PLEKHH2: variants seen among roughly 807,000 people sequenced by gnomAD.
PLEKHH2 encodes the protein pleckstrin homology, MyTH4 and FERM domain containing H2.
Under a neutral mutation model 187.9 loss-of-function variants are expected in PLEKHH2, and 129 were observed. The observed-to-expected ratio is 0.69, with a 90% CI of 0.59 to 0.79. The LOEUF is 0.79. Among genes scored for constraint, PLEKHH2 ranks in the 30% least tolerant of loss-of-function variants. The pLI is 0.00. For synonymous variants in PLEKHH2, 686 were observed against 605.6 expected (o/e 1.13, Z -1.95); for missense variants, 2,076 against 1,751.2 (o/e 1.19, Z -3.31).
intron 17 of PLEKHH2, among the ~76,000 whole-genome samples, chr2:43,728,699 C>T (rs1227982476): frequency 6.6e-6 from 1 of 150,996 alleles, no homozygotes; most frequent in Non-Finnish European, 1.5e-5. Context: ...ACAGCTGGGA[C>T]TACAGGCATG....
intron 21 of PLEKHH2, among the ~76,000 whole-genome samples, chr2:43,742,210 C>T (rs1326703144): frequency 6.6e-6 from 1 of 152,044 alleles, no homozygotes; most frequent in East Asian, 1.9e-4. Context: ...CCATGTTGAC[C>T]AGGTTGGTCT....
At chr2:43,715,027 C>A (rs867240848) in intron 15 of PLEKHH2, among the ~76,000 whole-genome samples, 1 of 152,106 alleles carries the variant, frequency 6.6e-6, no homozygotes. Context: ...CCTGTAATCC[C>A]AGCACTTAGG....
At chr2:43,744,110 A>G in intron 23 of PLEKHH2, 121 bp downstream of exon 23, 1 of 1,440,414 alleles carries the variant, frequency 6.9e-7, no homozygotes, top group Non-Finnish European at 9.1e-7. Flanking sequence ...TAACCAATCT[A>G]ATCTCCACGA....
At chr2:43,696,205 G>C (rs530501430) in intron 6 of PLEKHH2, among the ~76,000 whole-genome samples, 117 of 152,276 alleles carry the variant, frequency 7.7e-4, no homozygotes, top group South Asian at 2.1e-3. Context: ...AGGCGCAGTG[G>C]CTCACTCCTG....
intron 1 of PLEKHH2, among the ~76,000 whole-genome samples, chr2:43,637,736 G>C (rs1040189806): frequency 5.3e-5 from 8 of 152,296 alleles, no homozygotes; most frequent in South Asian, 2.1e-4. Context: ...GCAGCCCAGG[G>C]TCCCCGAGCC....
At chr2:43,669,582 A>G (rs1239348857) in intron 2 of PLEKHH2, among the ~76,000 whole-genome samples, 1 of 152,270 alleles carries the variant, frequency 6.6e-6, no homozygotes, top group Non-Finnish European at 1.5e-5. Flanking sequence ...ATGAGGTGAT[A>G]GAACTCAACA....
chr2:43,719,194 G>C (rs929409988), intron 15 of PLEKHH2, among the ~76,000 whole-genome samples: 4 of 152,060 alleles, frequency 2.6e-5, no homozygotes, highest in Non-Finnish European at 4.4e-5. Context: ...ACTGTATCTT[G>C]TTCAAATCTG....
rs139268080 is a variant in PLEKHH2, at chr2:43,732,557, T to C, written c.2943+955T>C. Among the ~76,000 whole-genome samples, 738 of 152,290 alleles carry C rather than the reference T, an allele frequency of 4.8e-3. 6 individuals are homozygous for C. Among genetic ancestry groups the C allele is most frequent in the African/African-American group, 0.017 (693 of 41,570 alleles). Reference sequence around the variant, plus strand: ...TGTCCACACCTGACTTCACCATTCCTCACAAGTACGTCACATCTAAAAGCT... The same window carrying C: ...TGTCCACACCTGACTTCACCATTCCCCACAAGTACGTCACATCTAAAAGCT... On this transcript the variant is annotated intron_variant, in intron 19 of 29. Transcript: ENST00000282406.
chr2:43,713,099 A>AACACACACAC (rs10524364), intron 15 of PLEKHH2, among the ~76,000 whole-genome samples: 27,565 of 150,666 alleles, frequency 0.18, 2,908 homozygotes, highest in Non-Finnish European at 0.24. Context: ...ATATCAAATC[A>AACACACACAC]ACACACACAC....
At chr2:43,670,515 C>G (rs767430751) in intron 2 of PLEKHH2, among the ~76,000 whole-genome samples, 22 of 151,846 alleles carry the variant, frequency 1.4e-4, no homozygotes, top group Non-Finnish European at 2.6e-4. Context: ...ATTTCTGAAC[C>G]CTATTTTGTT....
At chr2:43,720,625 A>T in intron 15 of PLEKHH2, 44 bp from the exon 16 acceptor site, 2 of 1,599,168 alleles carry the variant, frequency 1.3e-6, no homozygotes, top group Non-Finnish European at 1.7e-6. Context: ...TTAAGGTGTC[A>T]GAGTTCTGGG....
chr2:43,699,885 C>G lies in PLEKHH2; in HGVS notation c.927C>G (p.His309Gln), dbSNP rs1385644665. The change falls in exon 8 of 30, where the codon CAC becomes CAG. Residue 309 changes from histidine (H) to glutamine (Q), a missense_variant. By Grantham distance (24) the His-to-Gln change is conservative (BLOSUM62 0). Transcript: ENST00000282406. ...GATGCACATCCACCCTCTCCAGTCA[C>G]ACATCTGAGGAAGGGGTCCAGTGTA... ...KSRCTSTLSS[H>Q]TSEEGVQCSR... 21 of 1,614,118 alleles carry G rather than the reference C, an allele frequency of 1.3e-5. No homozygotes were observed. The highest frequency in any genetic ancestry group is 1.8e-5 in the Non-Finnish European group (21 of 1,180,016).
intron 25 of PLEKHH2, 102 bp downstream of exon 25, chr2:43,753,862 C>T (rs982703179): frequency 2.2e-5 from 23 of 1,054,640 alleles, no homozygotes; most frequent in African/African-American, 5.1e-5. Flanking sequence ...TCTTTACATT[C>T]GTTTTGCTAC....
chr2:43,649,577 A>G (rs908227948), intron 2 of PLEKHH2, among the ~76,000 whole-genome samples: 1 of 152,204 alleles, frequency 6.6e-6, no homozygotes, highest in Admixed American at 6.5e-5. Context: ...ATCCAGTACA[A>G]TATCATGATT....
rs188109118 is a variant in PLEKHH2 at position 43,648,534 on chromosome 2, G to A, written c.123+3738G>A. Among the ~76,000 whole-genome samples, 133 of 149,782 alleles carry A rather than the reference G, an allele frequency of 8.9e-4. 1 individual carries two copies. The highest frequency in any genetic ancestry group is 3.1e-3 in the African/African-American group (127 of 40,750). On this transcript the variant is annotated intron_variant, in intron 2 of 29. Transcript: ENST00000282406. ...TGGACACACTGGTTAAGTGAACAGG[G>A]GAGGTGACCTAAATGTAATTACATT...
At chr2:43,684,931 A>G (rs1668427508) in intron 3 of PLEKHH2, among the ~76,000 whole-genome samples, 1 of 151,722 alleles carries the variant, frequency 6.6e-6, no homozygotes, top group African/African-American at 2.4e-5. Context: ...TTTACTGCAT[A>G]TTTTGTTACA....
At chr2:43,729,820 T>G in intron 18 of PLEKHH2, 75 bp downstream of exon 18, 1 of 964,304 alleles carries the variant, frequency 1.0e-6, no homozygotes, top group Non-Finnish European at 1.5e-6. Context: ...TAATGGAGTT[T>G]TCACTTAATG....
rs57980394 is a variant in PLEKHH2, at chr2:43,717,416, T to TCAAA, written c.2461-3223_2461-3220dup. On this transcript the variant is annotated intron_variant, in intron 15 of 29. Transcript: ENST00000282406. ...CTGGGCAACTGAGTGAGACTCCACC[T>TCAAA]CAAACAAACAAACAAACAAACAAAC... Among the ~76,000 whole-genome samples, 612 of 150,842 alleles carry TCAAA rather than the reference T, an allele frequency of 4.1e-3. 4 individuals are homozygous for TCAAA. The highest frequency in any genetic ancestry group is 0.028 in the East Asian group (146 of 5,142).
At chr2:43,650,330 A>C (rs910600658) in intron 2 of PLEKHH2, among the ~76,000 whole-genome samples, 2 of 151,246 alleles carry the variant, frequency 1.3e-5, no homozygotes, top group Non-Finnish European at 2.9e-5. Context: ...ATGGGGTTTC[A>C]CCATGTTGGC....
Sources: allele counts gnomAD v4.1 joint callset (sites outside exome capture counted in the v4.1 genomes callset), GRCh38; gene constraint gnomAD v4.1.1; transcripts MANE v1.5; gene names NCBI Gene and HGNC (gene_info 2026-07-23, HGNC 2026-07-21).